Variants in PCDH17 observed in about 807,000 individuals in gnomAD.
PCDH17 encodes the protein protocadherin-17.
A neutral mutation model predicts 67.7 loss-of-function variants in PCDH17; 21 were observed. The observed-to-expected ratio is 0.31, with a 90% CI of 0.22 to 0.45. The LOEUF (loss-of-function observed/expected upper bound fraction) is 0.45. PCDH17 is among the 20% of genes least tolerant of loss of function. The pLI is 1.00. For missense variants in PCDH17, 1,471 were observed against 1,564.8 expected (o/e 0.94, Z 1.01); for synonymous variants, 701 against 656.7 (o/e 1.07, Z -1.03).
At chr13:57,671,931 T>C (rs1566230063) in intron 3 of PCDH17, among the ~76,000 whole-genome samples, 1 of 152,040 alleles carries the variant, frequency 6.6e-6, no homozygotes, top group Non-Finnish European at 1.5e-5. Flanking sequence ...TCCCAGGGAT[T>C]ACCATTCTAA....
At chr13:57,694,784 A>T (rs9316942) in intron 3 of PCDH17, among the ~76,000 whole-genome samples, 41,642 of 150,794 alleles carry the variant, frequency 0.28, 6,174 homozygotes, top group East Asian at 0.54. Context: ...TAATTGTTCC[A>T]TTTTAATAGT....
intron 3 of PCDH17, among the ~76,000 whole-genome samples, chr13:57,722,071 T>C (rs4375560): frequency 0.41 from 61,717 of 151,936 alleles, 13,204 homozygotes; most frequent in Middle Eastern, 0.57. Flanking sequence ...TTGTAATGTA[T>C]CATAATCAAT....
chr13:57,702,224 C>CT (rs879705262), intron 3 of PCDH17, among the ~76,000 whole-genome samples: 10 of 151,936 alleles, frequency 6.6e-5, no homozygotes, highest in Admixed American at 2.0e-4. Flanking sequence ...GCCTGTTTTT[C>CT]TTTTTGGTAC....
chr13:57,647,861 G>C (rs1427616864), intron 1 of PCDH17, among the ~76,000 whole-genome samples: 4 of 151,836 alleles, frequency 2.6e-5, no homozygotes. Context: ...CTGAAGAATA[G>C]AATGCTAATT....
chr13:57,667,862 CAT>C (rs1316023025), intron 3 of PCDH17, among the ~76,000 whole-genome samples: 1 of 135,978 alleles, frequency 7.4e-6, no homozygotes, highest in Non-Finnish European at 1.6e-5. Context: ...TAAGTATATA[CAT>C]ATATGTTTAT....
In PCDH17 at chr13:57,724,664, T is replaced by C; in HGVS notation, c.2850T>C (p.Ser950=). 1 of 1,614,068 alleles carries C rather than the reference T, an allele frequency of 6.2e-7. No homozygotes were observed. Among genetic ancestry groups the C allele is most frequent in the Non-Finnish European group, 8.5e-7 (1 of 1,179,980 alleles). ...CTDECRVLGH[S]DRCWMPQFPA... ...ATGAATGCCGAGTGCTTGGTCATTC[T>C]GACAGGTGCTGGATGCCACAGTTCC... The change falls in exon 4 of 4, where the codon TCT becomes TCC. Residue 950 remains serine, a synonymous_variant. Transcript: ENST00000377918.
intron 3 of PCDH17, among the ~76,000 whole-genome samples, chr13:57,724,277 A>T (rs9316943): frequency 6.6e-6 from 1 of 151,960 alleles, no homozygotes; most frequent in Non-Finnish European, 1.5e-5. Context: ...TGTTTCTAGG[A>T]TGAGTTATAC....
At chr13:57,675,371 G>A (rs1049092891) in intron 3 of PCDH17, among the ~76,000 whole-genome samples, 2 of 151,854 alleles carry the variant, frequency 1.3e-5, no homozygotes, top group Admixed American at 1.3e-4. Flanking sequence ...TTCATTCACT[G>A]TTTTAAAATA....
rs184057240 is a variant in PCDH17, at chr13:57,700,466, G to T, written c.2798-24146G>T. Among the ~76,000 whole-genome samples, 664 of 151,844 alleles carry T rather than the reference G, an allele frequency of 4.4e-3. 3 individuals are homozygous for T. Among genetic ancestry groups the T allele is most frequent in the African/African-American group, 0.013 (527 of 41,416 alleles). ...TCTGACTAGCTGGGACTACAGGCGC[G>T]TGCCACCATGCCCAGCTAATTTTTG... On this transcript the variant is annotated intron_variant, in intron 3 of 3. Coordinates refer to ENST00000377918, the MANE Select transcript of PCDH17 (RefSeq NM_001040429.3).
chr13:57,636,647 T>C (rs1209412346), intron 1 of PCDH17, among the ~76,000 whole-genome samples: 1 of 152,080 alleles, frequency 6.6e-6, no homozygotes, highest in Non-Finnish European at 1.5e-5. Context: ...ATTCTCCACT[T>C]TAAAAAAATG....
chr13:57,633,231 A>C lies in PCDH17; in HGVS notation c.685A>C (p.Ile229Leu). 1 of 1,613,276 alleles carries C rather than the reference A, an allele frequency of 6.2e-7. No individual in the cohort carries two copies. The highest frequency in any genetic ancestry group is 8.5e-7 in the Non-Finnish European group (1 of 1,179,998). The change falls in exon 1 of 4, where the codon ATC (isoleucine) becomes CTC (leucine). Residue 229 changes from isoleucine to leucine, a missense_variant. Physicochemically the swap from Ile to Leu is conservative, Grantham distance 5. Coordinates refer to ENST00000377918, the MANE Select transcript of PCDH17 (RefSeq NM_001040429.3). This position sits in a 1 kb window ranked among gnomAD's most constrained non-coding sequence, Gnocchi z 6.2. ...GCCTCCACGTTCCGCCACCGTACAG[A>C]TCAACGTGAAGGTGATTGACTCCAA... Reference protein sequence around the residue: ...GEPPRSATVQINVKVIDSNDN... With the variant: ...GEPPRSATVQLNVKVIDSNDN...
In PCDH17 at chr13:57,632,760, C is replaced by A. The variant is rs772317844; in HGVS notation, c.214C>A (p.Pro72Thr). ...CTACCGGGTGCTGGAGAACTCCGCA[C>A]CGCACCTGCTGGACGTGGACGCAGA... ...GSYRVLENSA[P>T]HLLDVDADSG... The change falls in exon 1 of 4, where the codon CCG becomes ACG. Residue 72 changes from proline (P) to threonine (T), a missense_variant. Physicochemically the swap from Pro to Thr is conservative, Grantham distance 38 (BLOSUM62 -1). Around this residue, in one of 3 missense-constraint regions of PCDH17, gnomAD observed 1,163 missense variants for 1,230.0 expected, o/e 0.95. Transcript: ENST00000377918. The A allele has an allele frequency of 6.2e-7, 1 of 1,612,832 alleles. No homozygotes were observed. The highest frequency in any genetic ancestry group is 1.1e-5 in the South Asian group (1 of 91,076).
rs1206215942 is a variant in PCDH17 at position 57,653,386 on chromosome 13, G to A, written c.2566-13082G>A. ...ATGAGAATAATAAATCTGTAAAATAGATGTGACAATGATAAATAGAGTAGA... is the reference window on the plus strand; with the variant it reads ...ATGAGAATAATAAATCTGTAAAATAAATGTGACAATGATAAATAGAGTAGA... On this transcript the variant is annotated intron_variant, in intron 1 of 3. Coordinates refer to ENST00000377918, the MANE Select transcript of PCDH17 (RefSeq NM_001040429.3). Among the ~76,000 whole-genome samples, 6 of 152,068 alleles carry A rather than the reference G, an allele frequency of 3.9e-5. No individual in the cohort carries two copies. The East Asian group carries it at 1.2e-3, about 29-fold the overall frequency.
chr13:57,699,257 A>G (rs1459017309), intron 3 of PCDH17, among the ~76,000 whole-genome samples: 1 of 152,036 alleles, frequency 6.6e-6, no homozygotes, highest in Non-Finnish European at 1.5e-5. Flanking sequence ...GTATGTGTTC[A>G]TGTTTGTGAA....
intron 3 of PCDH17, among the ~76,000 whole-genome samples, chr13:57,685,466 A>C (rs1955496602): frequency 6.6e-6 from 1 of 152,016 alleles, no homozygotes; most frequent in Non-Finnish European, 1.5e-5. Context: ...CTAAAGCCTA[A>C]TTCCTGATCT....
intron 3 of PCDH17, among the ~76,000 whole-genome samples, chr13:57,708,378 C>G (rs1955740583): frequency 6.6e-6 from 1 of 151,900 alleles, no homozygotes; most frequent in Admixed American, 6.6e-5. Flanking sequence ...TTGGCAAGAA[C>G]TAGTGCTTTT....
At chr13:57,717,627 C>T (rs1036654469) in intron 3 of PCDH17, among the ~76,000 whole-genome samples, 2 of 151,906 alleles carry the variant, frequency 1.3e-5, no homozygotes, top group Non-Finnish European at 2.9e-5. Context: ...TGAATGCAGC[C>T]GTGGCAATAC....
At chr13:57,675,948 G>A (rs929377504) in intron 3 of PCDH17, among the ~76,000 whole-genome samples, 7 of 151,820 alleles carry the variant, frequency 4.6e-5, no homozygotes, top group South Asian at 2.1e-4. Context: ...CAAAGTAAGC[G>A]ATTAAAAACT....
chr13:57,699,790 A>C (rs1449386631), intron 3 of PCDH17, among the ~76,000 whole-genome samples: 1 of 152,084 alleles, frequency 6.6e-6, no homozygotes, highest in African/African-American at 2.4e-5. Flanking sequence ...TCAGTCAATA[A>C]ATATACAACT....
Sources: gnomAD v4.1 joint callset for allele counts (sites outside exome capture counted in the v4.1 genomes callset) on GRCh38, gnomAD v4.1.1 for gene constraint, gnomAD v4.1.1 regional missense constraint, Gnocchi (gnomAD v3.1) non-coding constraint, MANE v1.5 for transcripts, NCBI Gene and HGNC (gene_info 2026-07-23, HGNC 2026-07-21) for gene names.